Variants in CPNE4 observed in about 807,000 individuals in gnomAD.
The protein encoded by CPNE4 is copine 4, also known as copine-4.
In CPNE4, 25 loss-of-function variants were observed where a neutral mutation model predicts 67.9. The observed-to-expected ratio is 0.37, with a 90% CI of 0.27 to 0.51. The LOEUF is 0.51. Among genes scored for constraint, CPNE4 ranks in the 20% least tolerant of loss-of-function variants. The pLI is 0.93. For synonymous variants in CPNE4, 242 were observed against 244.9 expected, an observed-to-expected ratio of 0.99 and a Z score of 0.11; for missense variants, 464 against 690.8, an observed-to-expected ratio of 0.67 and a Z score of 3.68.
chr3:131,601,244 C>T (rs1939189073), intron 7 of CPNE4, among the ~76,000 whole-genome samples: 1 of 152,100 alleles, frequency 6.6e-6, no homozygotes, highest in African/African-American at 2.4e-5. Flanking sequence ...TTTGCCAGGT[C>T]ATTGCAAGGA....
Position 131,587,502 on chromosome 3 carries a change from T to A in CPNE4, c.762A>T (p.Gly254=), listed in dbSNP as rs778243373. ...EFTSTFKEMR[G]AMEGKQVQWE... is the part of the protein sequence containing the mutation. Reference sequence around the variant, plus strand: ...CATGTACCTGTTTCCCTTCCATTGCTCCTCTCATCTCCTTGAATGTCGAGG... The same window carrying A: ...CATGTACCTGTTTCCCTTCCATTGCACCTCTCATCTCCTTGAATGTCGAGG... Residue 254 remains glycine (G), a synonymous_variant, in exon 8 of 16, where the codon GGA becomes GGT. Transcript: ENST00000429747. 6.2e-7 allele frequency: 1 copy of A among 1,613,734 alleles called. No homozygotes were observed. The highest frequency in any genetic ancestry group is 8.5e-7 in the Non-Finnish European group (1 of 1,179,672).
chr3:131,696,661 T>G (rs1381945653), intron 4 of CPNE4, 45 bp from the exon 5 acceptor site: 5 of 1,561,172 alleles, frequency 3.2e-6, no homozygotes, highest in Non-Finnish European at 4.4e-6. Flanking sequence ...GGTGAACTCC[T>G]TAGCTCCAGA....
chr3:131,583,364 T>C (rs539014444), intron 8 of CPNE4, among the ~76,000 whole-genome samples: 150 of 152,256 alleles, frequency 9.9e-4, no homozygotes, highest in Non-Finnish European at 2.0e-3. Flanking sequence ...CCCAAACCTA[T>C]CAAAACTGAT....
intron 3 of CPNE4, 60 bp downstream of exon 3, chr3:131,723,386 G>C (rs2081933201): frequency 4.9e-6 from 7 of 1,427,780 alleles, no homozygotes; most frequent in Non-Finnish European, 6.8e-6. Flanking sequence ...GAGAGGGAAA[G>C]GGGGCAGGAA....
At chr3:132,036,771 T>C (rs1296000096), upstream of CPNE4, among the ~76,000 whole-genome samples, 1 of 152,206 alleles carries the variant, frequency 6.6e-6, no homozygotes, top group Non-Finnish European at 1.5e-5. Context: ...GTCTACCACC[T>C]TCTACATTTA....
intron 1 of CPNE4, among the ~76,000 whole-genome samples, chr3:131,953,050 C>A (rs942307460): frequency 6.6e-6 from 1 of 151,760 alleles, no homozygotes; most frequent in Non-Finnish European, 1.5e-5. Context: ...GCAGCATGCT[C>A]GTTAAGAGTC....
chr3:131,996,525 G>A (rs1218204761), intron 1 of CPNE4, among the ~76,000 whole-genome samples: 1 of 151,740 alleles, frequency 6.6e-6, no homozygotes, highest in East Asian at 1.9e-4. Flanking sequence ...GAGAGTCCAC[G>A]ATAGGAACAG....
intron 6 of CPNE4, among the ~76,000 whole-genome samples, chr3:131,675,660 C>T (rs9873063): frequency 0.58 from 87,737 of 151,828 alleles, 25,541 homozygotes; most frequent in East Asian, 0.79. Context: ...GCATGGGATA[C>T]ATTTTTCCAT....
chr3:131,649,418 A>G (rs1482751918), intron 7 of CPNE4, among the ~76,000 whole-genome samples: 2 of 152,182 alleles, frequency 1.3e-5, no homozygotes, highest in Admixed American at 1.3e-4. Flanking sequence ...GCTAGTTCCT[A>G]TTACGAGAGG....
In CPNE4 at chr3:131,997,674, G is replaced by A. The variant is rs532850980; in HGVS notation, c.-2+36893C>T. Among the ~76,000 whole-genome samples the A allele has an allele frequency of 2.0e-5, 3 of 152,130 alleles. No homozygotes were observed. The South Asian group carries it at 6.2e-4, about 32-fold the overall frequency. On this transcript the variant is annotated intron_variant, in intron 1 of 15. Coordinates refer to ENST00000429747, the MANE Select transcript of CPNE4 (RefSeq NM_130808.3). Reference sequence around the variant, plus strand: ...CAAGAACCAGAGCTTCTTTTATTAGGTGCAATATGGAGAACATTTTTATAG... The same window carrying A: ...CAAGAACCAGAGCTTCTTTTATTAGATGCAATATGGAGAACATTTTTATAG...
Position 131,581,618 on chromosome 3 carries a change from A to G in CPNE4, c.828T>C (p.Asn276=). 7 of 1,613,792 alleles carry G rather than the reference A, an allele frequency of 4.3e-6. No individual in the cohort carries two copies. Among genetic ancestry groups the G allele is most frequent in the Middle Eastern group, 1.6e-4 (1 of 6,062 alleles). ...INPKYKAKKK[N]YKNSGTVILN... ...GAATCACAGTGCCTGAGTTCTTGTA[A>G]TTCTTCTTCTTGGCTTTGTACTTGG... Residue 276 remains asparagine, a synonymous_variant, in exon 9 of 16, where the codon AAT becomes AAC. Transcript: ENST00000429747.
At chr3:131,905,607 AAC>A (rs2088717918) in intron 1 of CPNE4, among the ~76,000 whole-genome samples, 163 bp from the exon 2 acceptor site, 1 of 152,206 alleles carries the variant, frequency 6.6e-6, no homozygotes, top group African/African-American at 2.4e-5. Context: ...GTTCCAGTGA[AAC>A]AAATCAAAGG....
chr3:131,836,963 A>C (rs897552169), intron 2 of CPNE4, among the ~76,000 whole-genome samples: 1 of 152,208 alleles, frequency 6.6e-6, no homozygotes, highest in Non-Finnish European at 1.5e-5. Flanking sequence ...GCAAATAGGC[A>C]TATGAAAAGA....
intron 1 of CPNE4, among the ~76,000 whole-genome samples, chr3:132,026,478 A>T (rs6439337): frequency 5.3e-5 from 8 of 151,936 alleles, no homozygotes; most frequent in African/African-American, 1.7e-4. Flanking sequence ...GACTGGATAA[A>T]TGTGCCCTGG....
At chr3:131,895,998 T>C (rs1416676545) in intron 2 of CPNE4, among the ~76,000 whole-genome samples, 5 of 151,958 alleles carry the variant, frequency 3.3e-5, no homozygotes, top group Non-Finnish European at 5.9e-5. Context: ...CGGATCACTT[T>C]AAGAATGTTC....
chr3:131,728,286 TG>T (rs2082044433), intron 2 of CPNE4, among the ~76,000 whole-genome samples: 1 of 152,242 alleles, frequency 6.6e-6, no homozygotes, highest in African/African-American at 2.4e-5. Flanking sequence ...AGGTAGGTAC[TG>T]TTATTATCCT....
At chr3:131,691,631 C>T (rs2081035654) in intron 5 of CPNE4, among the ~76,000 whole-genome samples, 1 of 151,998 alleles carries the variant, frequency 6.6e-6, no homozygotes, top group African/African-American at 2.4e-5. Context: ...AATTGTACTC[C>T]AAACCTCAGT....
At chr3:131,948,917 G>A (rs12630239) in intron 1 of CPNE4, among the ~76,000 whole-genome samples, 25,468 of 152,114 alleles carry the variant, frequency 0.17, 2,553 homozygotes, top group East Asian at 0.33. Flanking sequence ...ATGACTCTGG[G>A]AACCAGTATC....
intron 10 of CPNE4, among the ~76,000 whole-genome samples, chr3:131,572,373 C>G (rs1319732838): frequency 6.6e-6 from 1 of 152,072 alleles, no homozygotes; most frequent in African/African-American, 2.4e-5. Context: ...CAGGACAGGG[C>G]ACCTGACAGG....
Sources: gnomAD v4.1 joint callset for allele counts (sites outside exome capture counted in the v4.1 genomes callset) on GRCh38, gnomAD v4.1.1 for gene constraint, MANE v1.5 for transcripts, NCBI Gene and HGNC (gene_info 2026-07-23, HGNC 2026-07-21) for gene names.